Variants in GTSF1 observed in about 807,000 individuals in gnomAD.
GTSF1 encodes gametocyte-specific factor 1.
Under a neutral mutation model 28.9 loss-of-function variants are expected in GTSF1, and 11 were observed. The ratio of observed to expected loss-of-function variants is 0.38; its 90% CI spans 0.24 to 0.63. GTSF1 has a LOEUF of 0.63. GTSF1 is among the 30% of genes least tolerant of loss of function. The probability of loss-of-function intolerance (pLI) is 0.56; values close to 1 mark genes in which losing one functional copy is unlikely to be tolerated. For missense variants in GTSF1, 146 were observed against 201.0 expected (o/e 0.73, Z 1.66); for synonymous variants, 69 against 65.6 (o/e 1.05, Z -0.25).
chr12:54,471,224 A>T lies in GTSF1; in HGVS notation c.16+9T>A. The T allele has an allele frequency of 1.3e-6, 2 of 1,585,454 alleles. No individual in the cohort carries two copies. Among genetic ancestry groups the T allele is most frequent in the Non-Finnish European group, 1.7e-6 (2 of 1,167,304 alleles). The stretch of plus-strand genomic sequence containing the variant: ...AACTTATTTTCTAAAAGCAACAAGG[A>T]GTACATACTGTAAGTTTCTTCCATG... On this transcript the variant is annotated intron_variant, in intron 2 of 8. Coordinates refer to ENST00000305879, the MANE Select transcript of GTSF1 (RefSeq NM_144594.3).
intron 7 of GTSF1, 132 bp from the exon 8 acceptor site, chr12:54,459,257 A>G: frequency 7.1e-7 from 1 of 1,415,542 alleles, no homozygotes; most frequent in Non-Finnish European, 9.3e-7. Context: ...AGAATTTAAT[A>G]TTAGTAATCA....
At chr12:54,463,134 C>G in intron 4 of GTSF1, 37 bp downstream of exon 4, 1 of 1,592,354 alleles carries the variant, frequency 6.3e-7, no homozygotes, top group Non-Finnish European at 8.6e-7. Context: ...AAGGAGCTAC[C>G]CTCCAGTACT....
chr12:54,462,539 GAAC>G (rs1214428209), intron 5 of GTSF1, 100 bp downstream of exon 5: 1 of 932,750 alleles, frequency 1.1e-6, no homozygotes, highest in Non-Finnish European at 1.7e-6. Flanking sequence ...AAGGCATTCT[GAAC>G]AACATGGTAT....
chr12:54,457,115 A>C (rs1956344320), intron 8 of GTSF1, among the ~76,000 whole-genome samples: 1 of 151,960 alleles, frequency 6.6e-6, no homozygotes, highest in East Asian at 1.9e-4. Flanking sequence ...ACAAACAAAA[A>C]CCCAAAACTT....
At chr12:54,464,970 G>A in intron 3 of GTSF1, 97 bp downstream of exon 3, 2 of 684,470 alleles carry the variant, frequency 2.9e-6, no homozygotes, top group South Asian at 2.0e-5. Context: ...AACAATTCTG[G>A]CAATCAATTA....
At chr12:54,473,406 G>A (rs371043402) in intron 1 of GTSF1, 140 bp downstream of exon 1, 26 of 152,278 alleles carry the variant, frequency 1.7e-4, no homozygotes, top group Middle Eastern at 3.4e-3. Flanking sequence ...AAACAGGTTG[G>A]TAGCCAAAAT....
At chr12:54,459,371 G>C (rs755008058) in intron 7 of GTSF1, 1 of 1,415,490 alleles carries the variant, frequency 7.1e-7, no homozygotes, top group African/African-American at 1.4e-5. Context: ...AGTATCCAGG[G>C]AGAAACGTTT....
At chr12:54,460,273 C>A in intron 7 of GTSF1, 104 bp downstream of exon 7, 1 of 801,302 alleles carries the variant, frequency 1.2e-6, no homozygotes, top group South Asian at 1.6e-5. Context: ...CTTTAAGGGT[C>A]ATGGAAATGC....
At chr12:54,471,873 C>T (rs1415712343) in intron 1 of GTSF1, 1 of 153,264 alleles carries the variant, frequency 6.5e-6, no homozygotes, top group Non-Finnish European at 1.4e-5. Flanking sequence ...AAAACAACCC[C>T]CCCCCAAAAA....
At chr12:54,460,764 A>C (rs1243365534) in intron 6 of GTSF1, among the ~76,000 whole-genome samples, 1 of 152,224 alleles carries the variant, frequency 6.6e-6, no homozygotes, top group Non-Finnish European at 1.5e-5. Flanking sequence ...CAGGCTCATC[A>C]ACTCACTCAA....
At chr12:54,466,682 T>C (rs1265730982) in intron 2 of GTSF1, among the ~76,000 whole-genome samples, 1 of 152,178 alleles carries the variant, frequency 6.6e-6, no homozygotes, top group African/African-American at 2.4e-5. Flanking sequence ...TATATTATAC[T>C]GCCCATATAG....
chr12:54,458,227 A>T (rs1047462885), intron 8 of GTSF1, among the ~76,000 whole-genome samples: 1 of 152,210 alleles, frequency 6.6e-6, no homozygotes, highest in Non-Finnish European at 1.5e-5. Context: ...ACAGGCACAT[A>T]GGGTAACCTA....
chr12:54,466,641 T>C (rs1343418136), intron 2 of GTSF1, among the ~76,000 whole-genome samples: 1 of 152,168 alleles, frequency 6.6e-6, no homozygotes, highest in Non-Finnish European at 1.5e-5. Flanking sequence ...TGTCAGCAGC[T>C]GATAGACTGG....
intron 1 of GTSF1, chr12:54,472,413 T>C (rs549424736): frequency 6.6e-6 from 1 of 152,334 alleles, no homozygotes; most frequent in Non-Finnish European, 1.5e-5. Context: ...CTCTCAATGT[T>C]AGGACTCAAG....
intron 8 of GTSF1, 61 bp downstream of exon 8, chr12:54,459,028 T>C (rs1202429559): frequency 8.3e-7 from 1 of 1,208,874 alleles, no homozygotes; most frequent in Non-Finnish European, 1.2e-6. Flanking sequence ...CAAATTGCTT[T>C]ATGTCCAGTT....
chr12:54,459,101 G>A lies in GTSF1; in HGVS notation c.*8C>T, dbSNP rs779601789. 6.2e-7 allele frequency: 1 copy of A among 1,601,074 alleles called. No homozygotes were observed. Among genetic ancestry groups the A allele is most frequent in the South Asian group, 1.1e-5 (1 of 89,652 alleles). On this transcript the variant is annotated 3_prime_UTR_variant, in exon 8 of 9. Coordinates refer to ENST00000305879, the MANE Select transcript of GTSF1 (RefSeq NM_144594.3). ...CTGAAACACTTACTTGATGAGATAG[G>A]TATTCAGTTACTGTGCATTTCCATC...
Position 54,463,261 on chromosome 12 carries a change from G to T in GTSF1, c.154C>A (p.Pro52Thr). Residue 52 changes from proline (P) to threonine (T), a missense_variant, in exon 4 of 9, where the codon CCC becomes ACC. Transcript: ENST00000305879. ...PDVASKLATC[P>T]FNARHQVPRA... The stretch of plus-strand genomic sequence containing the variant: ...GGAACCTGGTGGCGAGCATTGAAGG[G>T]ACAAGTAGCCAATTTGCTTGCAACA... 6.2e-7 allele frequency: 1 copy of T among 1,613,906 alleles called. No homozygotes were observed. The highest frequency in any genetic ancestry group is 2.2e-5 in the East Asian group (1 of 44,866).
intron 2 of GTSF1, among the ~76,000 whole-genome samples, chr12:54,470,228 T>A (rs1956577837): frequency 1.3e-5 from 2 of 152,144 alleles, no homozygotes; most frequent in South Asian, 4.1e-4. Context: ...GGGATCCCTT[T>A]TCTCAAGTGT....
At position 54,467,306 on chromosome 12, in the gene GTSF1, GT is replaced by G. The variant is rs145700155; in HGVS notation, c.17-2140del. On this transcript the variant is annotated intron_variant, in intron 2 of 8. Transcript: ENST00000305879. ...TAACATGTGACAGAATTTCCTGTGT[GT>G]TTTTTTTGTTTTTTGTTTTTTTTTT... 4.5e-4 allele frequency among the ~76,000 whole-genome samples: 67 copies of G among 149,166 alleles called. 2 individuals carry two copies. Among genetic ancestry groups the G allele is most frequent in the African/African-American group, 1.4e-3 (58 of 40,484 alleles).
Sources: gnomAD v4.1 joint callset for allele counts (sites outside exome capture counted in the v4.1 genomes callset) on GRCh38, gnomAD v4.1.1 for gene constraint, MANE v1.5 for transcripts, NCBI Gene and HGNC (gene_info 2026-07-23, HGNC 2026-07-21) for gene names.